HECW1: variants seen among roughly 807,000 people sequenced by gnomAD.
HECW1 encodes the protein HECT, C2 and WW domain containing E3 ubiquitin protein ligase 1.
A neutral mutation model predicts 182.3 loss-of-function variants in HECW1; 61 were observed. The ratio of observed to expected loss-of-function variants is 0.33; its 90% confidence interval spans 0.27 to 0.41. HECW1 has a LOEUF of 0.41. HECW1 is among the 10% of genes least tolerant of loss of function. The pLI is 1.00. For synonymous variants in HECW1, 859 were observed against 832.6 expected (o/e 1.03, Z -0.55); for missense variants, 1,739 against 2,108.9 (o/e 0.82, Z 3.44).
rs1406472551 is a variant in HECW1, at chr7:43,159,201, TAC to T, written c.-32+44811_-32+44812del. ...TTCATTTTCTTTTTTTTTATTATTATACTTTAAGTTCTAGGGTACATGTGCAC... is the reference window on the plus strand; with the variant it reads ...TTCATTTTCTTTTTTTTTATTATTATTTTAAGTTCTAGGGTACATGTGCAC... On this transcript the variant is annotated intron_variant, in intron 2 of 29. Transcript: ENST00000395891. Among the ~76,000 whole-genome samples the T allele has an allele frequency of 5.3e-5, 8 of 151,826 alleles. No homozygotes were observed. In the East Asian group the frequency reaches 1.2e-3, roughly 22 times the overall value.
chr7:43,374,366 C>G (rs2074234658), intron 6 of HECW1, among the ~76,000 whole-genome samples: 1 of 152,034 alleles, frequency 6.6e-6, no homozygotes, highest in Admixed American at 6.6e-5. Context: ...TGGGTCCAAC[C>G]TTTTGACCAA....
At chr7:43,312,381 G>A (rs979852104) in intron 4 of HECW1, among the ~76,000 whole-genome samples, 1 of 152,192 alleles carries the variant, frequency 6.6e-6, no homozygotes, top group Admixed American at 6.5e-5. Flanking sequence ...TTGTGAATAA[G>A]TTAATATCAA....
intron 19 of HECW1, among the ~76,000 whole-genome samples, chr7:43,497,317 G>A (rs1341941500): frequency 2.0e-5 from 3 of 152,144 alleles, no homozygotes; most frequent in African/African-American, 7.2e-5. Context: ...TAGATTGGGA[G>A]GGTAGGTGAG....
chr7:43,123,137 A>G (rs747460489), intron 2 of HECW1, among the ~76,000 whole-genome samples: 15 of 152,232 alleles, frequency 9.9e-5, no homozygotes, highest in Non-Finnish European at 1.9e-4. Flanking sequence ...TGCACTATTC[A>G]TGGAGCATCT....
chr7:43,235,431 C>T (rs1460044188), intron 2 of HECW1, among the ~76,000 whole-genome samples: 3 of 152,178 alleles, frequency 2.0e-5, no homozygotes, highest in African/African-American at 7.2e-5. Flanking sequence ...TTCTTTAAAA[C>T]TGCGGAATAA....
intron 2 of HECW1, among the ~76,000 whole-genome samples, chr7:43,114,895 A>G (rs977309348): frequency 6.6e-6 from 1 of 152,174 alleles, no homozygotes; most frequent in African/African-American, 2.4e-5. Context: ...GCATCATTTG[A>G]CTTGATTCCT....
In HECW1 at chr7:43,561,704, G is replaced by A. The variant is rs1218067024; in HGVS notation, c.4710-111G>A. On this transcript the variant is annotated intron_variant, in intron 29 of 29. Transcript: ENST00000395891. ...TGTTTTATGGTGGTCCTAAATCATG[G>A]TCCTGCTCACTTTTGATTCCTTTTT... 1.1e-5 allele frequency: 8 copies of A among 698,254 alleles called. No homozygotes were observed. The Admixed American group carries it at 1.7e-4, about 15-fold the overall frequency. The allele number at this position is 698,254 out of a possible 1,614,324, so 43.3% of individuals were successfully genotyped here.
At chr7:43,342,118 A>C (rs1813076417) in intron 5 of HECW1, among the ~76,000 whole-genome samples, 1 of 151,890 alleles carries the variant, frequency 6.6e-6, no homozygotes, top group South Asian at 2.1e-4. Flanking sequence ...AACCAGACTC[A>C]CGCCTGAAAA....
At chr7:43,359,928 C>T (rs554840883) in intron 5 of HECW1, among the ~76,000 whole-genome samples, 30 of 152,282 alleles carry the variant, frequency 2.0e-4, no homozygotes, top group African/African-American at 7.2e-4. Context: ...ATGAACTAAA[C>T]TCATGTTGGC....
chr7:43,271,206 G>C (rs1224073632), intron 3 of HECW1, among the ~76,000 whole-genome samples: 1 of 152,138 alleles, frequency 6.6e-6, no homozygotes, highest in Non-Finnish European at 1.5e-5. Flanking sequence ...GTGGATGTAT[G>C]TACATCCACA....
At position 43,492,124 on chromosome 7, in the gene HECW1, G is replaced by T. The variant is rs770925230; in HGVS notation, c.3284G>T (p.Gly1095Val). ...NRGASLLARP[G>V]HSLVAAIRSQ... ...GGAGCCTCTTTACTGGCCAGGCCAG[G>T]ACACAGCTTAGTAGCTGCTATTCGA... Residue 1095 changes from glycine (G) to valine (V), a missense_variant, in exon 18 of 30, where the codon GGA becomes GTA. Gly to Val is a moderately radical substitution (Grantham distance 109). Around this residue, in one of 5 missense-constraint regions of HECW1, gnomAD observed 971 missense variants for 1,029.1 expected, o/e 0.94. Transcript: ENST00000395891. The T allele has an allele frequency of 1.9e-6, 3 of 1,605,796 alleles. No individual in the cohort carries two copies. In the African/African-American group the frequency reaches 4.0e-5, roughly 22 times the overall value.
At chr7:43,533,830 G>A (rs2081078758) in intron 24 of HECW1, among the ~76,000 whole-genome samples, 1 of 152,112 alleles carries the variant, frequency 6.6e-6, no homozygotes, top group Admixed American at 6.5e-5. Flanking sequence ...CCAGCTTTGG[G>A]TCTCCCAAGT....
chr7:43,523,049 G>A (rs957043403), intron 24 of HECW1: 3 of 447,142 alleles, frequency 6.7e-6, no homozygotes, highest in Admixed American at 2.4e-5. Context: ...TGTCCCCCAG[G>A]CTAGAGTGCA....
chr7:43,236,069 T>C (rs1176588115), intron 2 of HECW1, among the ~76,000 whole-genome samples: 1 of 152,124 alleles, frequency 6.6e-6, no homozygotes, highest in Admixed American at 6.6e-5. Context: ...GTACCTGTGC[T>C]ACCCAATGTG....
intron 2 of HECW1, among the ~76,000 whole-genome samples, chr7:43,196,772 C>A (rs1431447066): frequency 1.3e-5 from 2 of 152,080 alleles, no homozygotes; most frequent in Non-Finnish European, 2.9e-5. Flanking sequence ...ACATTACATA[C>A]CTTTATTTAT....
At chr7:43,482,993 A>G (rs2078491422) in intron 17 of HECW1, among the ~76,000 whole-genome samples, 1 of 152,218 alleles carries the variant, frequency 6.6e-6, no homozygotes. Flanking sequence ...GGGGAAGGGA[A>G]GCCTTACAGA....
chr7:43,513,514 A>C (rs555044343), intron 24 of HECW1, among the ~76,000 whole-genome samples: 52 of 152,320 alleles, frequency 3.4e-4, no homozygotes, highest in African/African-American at 1.2e-3. Flanking sequence ...CTTTGTATCC[A>C]TTGGAATAGA....
In HECW1 at chr7:43,114,312, T is replaced by C. The variant is rs1339489463; in HGVS notation, c.-111T>C. 7.3e-7 allele frequency: 1 copy of C among 1,362,514 alleles called. No homozygotes were observed. The highest frequency in any genetic ancestry group is 1.2e-5 in the South Asian group (1 of 81,646). The allele number at this position is 1,362,514 out of a possible 1,614,324, so 84.4% of individuals were successfully genotyped here. A position where few individuals can be genotyped will look rare whatever the true frequency, so the allele number is the denominator to read the frequency against. ...CCAACCGTTAAAGACCCCGGCAGTG[T>C]TGTGGTCCAAGGCGTCTCAAAGCAG... On this transcript the variant is annotated 5_prime_UTR_variant, in exon 2 of 30. Coordinates refer to ENST00000395891, the MANE Select transcript of HECW1 (RefSeq NM_015052.5).
intron 3 of HECW1, among the ~76,000 whole-genome samples, chr7:43,273,337 GATAA>G (rs982877507): frequency 2.6e-5 from 4 of 151,752 alleles, no homozygotes; most frequent in Non-Finnish European, 5.9e-5. Flanking sequence ...AAAAAATAAA[GATAA>G]ATAAATAAAT....
Sources: allele counts gnomAD v4.1 joint callset (sites outside exome capture counted in the v4.1 genomes callset), GRCh38; gene constraint gnomAD v4.1.1; regional missense constraint gnomAD v4.1.1; transcripts MANE v1.5; gene names NCBI Gene and HGNC (gene_info 2026-07-23, HGNC 2026-07-21).